Variants in ZNF599 observed in about 807,000 individuals in gnomAD.
The protein encoded by ZNF599 is zinc finger protein 599.
Under a neutral mutation model 11.7 loss-of-function variants are expected in ZNF599, and 10 were observed. The observed-to-expected ratio is 0.86, with a 90% confidence interval of 0.53 to 1.45. The LOEUF (loss-of-function observed/expected upper bound fraction) is 1.45, where lower values mean the gene tolerates loss of function less well. Among genes scored for constraint, ZNF599 ranks in the 40% most tolerant of loss-of-function variants. The probability of loss-of-function intolerance (pLI) is 0.00; values close to 1 mark genes in which losing one functional copy is unlikely to be tolerated. For synonymous variants in ZNF599, 232 were observed against 253.2 expected (o/e 0.92, Z 0.79); for missense variants, 688 against 713.6 (o/e 0.96, Z 0.41).
At chr19:34,781,658 G>A in the ZNF599 span, among the ~76,000 whole-genome samples, 3 of 152,216 alleles carry the variant, frequency 2.0e-5, no homozygotes, top group Admixed American at 2.0e-4. Flanking sequence ...AAGAATAGCA[G>A]GATGCAGTGC....
intron 3 of ZNF599, chr19:34,763,229 G>A (rs1021234859): frequency 1.3e-5 from 2 of 152,104 alleles, no homozygotes; most frequent in African/African-American, 4.8e-5. Context: ...TTTAAAGGAG[G>A]ATGAATAAAT....
chr19:34,774,203 G>C (rs1008211019), upstream of ZNF599, among the ~76,000 whole-genome samples: 1 of 152,150 alleles, frequency 6.6e-6, no homozygotes, highest in Non-Finnish European at 1.5e-5. Context: ...GGGAAGAGTG[G>C]AGTTGACATG....
the ZNF599 span, among the ~76,000 whole-genome samples, chr19:34,806,910 T>C: frequency 6.6e-6 from 1 of 152,106 alleles, no homozygotes; most frequent in Non-Finnish European, 1.5e-5. Flanking sequence ...TAGTAAACCT[T>C]TATTGCTGCA....
the ZNF599 span, among the ~76,000 whole-genome samples, chr19:34,804,418 C>T: frequency 6.6e-6 from 1 of 152,240 alleles, no homozygotes; most frequent in African/African-American, 2.4e-5. Flanking sequence ...CCACACCCAA[C>T]CAGGTGCCCA....
intron 3 of ZNF599, chr19:34,763,781 G>A (rs1306255038): frequency 6.6e-6 from 1 of 152,020 alleles, no homozygotes; most frequent in Non-Finnish European, 1.5e-5. Flanking sequence ...AGGAGAAAAA[G>A]CATACAAAAT....
intron 3 of ZNF599, among the ~76,000 whole-genome samples, chr19:34,761,633 T>C (rs10417707): frequency 0.28 from 42,577 of 152,078 alleles, 6,539 homozygotes; most frequent in Middle Eastern, 0.36. Flanking sequence ...GAAATGTATA[T>C]ATGTAACTTT....
Position 34,772,892 on chromosome 19 carries a change from T to C in ZNF599, c.-51A>G. 1 of 1,413,172 alleles carries C rather than the reference T, an allele frequency of 7.1e-7. No homozygotes were observed. Among genetic ancestry groups the C allele is most frequent in the Non-Finnish European group, 9.2e-7 (1 of 1,089,474 alleles). 87.5% of individuals were successfully genotyped at this position (1,413,172 alleles called of 1,614,324 possible). A position where few individuals can be genotyped will look rare whatever the true frequency, so the allele number is the denominator to read the frequency against. ...TGAGAGTCGGCGAGGAAGCCGGTCC[T>C]GCGGGCTCGGCCGACCCCGGGCTCC... On this transcript the variant is annotated 5_prime_UTR_variant, in exon 1 of 4. Coordinates refer to ENST00000329285, the MANE Select transcript of ZNF599 (RefSeq NM_001007248.3).
At chr19:34,790,310 G>A in the ZNF599 span, among the ~76,000 whole-genome samples, 1 of 152,154 alleles carries the variant, frequency 6.6e-6, no homozygotes, top group African/African-American at 2.4e-5. Context: ...TTATTCACAA[G>A]CATCAACCTA....
At chr19:34,776,873 G>C (rs150321109), upstream of ZNF599, among the ~76,000 whole-genome samples, 1 of 152,068 alleles carries the variant, frequency 6.6e-6, no homozygotes, top group Non-Finnish European at 1.5e-5. Flanking sequence ...ATTAAGGGGC[G>C]GTTTATGCAG....
Position 34,759,759 on chromosome 19 carries a change from A to G in ZNF599, c.1042T>C (p.Phe348Leu), listed in dbSNP as rs1189267840. The G allele has an allele frequency of 2.5e-6, 4 of 1,614,054 alleles. No homozygotes were observed. The African/African-American group carries it at 5.3e-5, about 22-fold the overall frequency. Residue 348 changes from phenylalanine to leucine, a missense_variant, in exon 4 of 4, where the codon TTC (phenylalanine) becomes CTC (leucine). By Grantham distance (22) the Phe-to-Leu change is conservative (BLOSUM62 0). Transcript: ENST00000329285. Reference protein sequence around the residue: ...LYECGECGKAFTHRSTFIQHN... With the variant: ...LYECGECGKALTHRSTFIQHN... Reference sequence around the variant, plus strand: ...TGGATAAATGTGGAGCGGTGCGTGAAGGCCTTTCCACATTCACCGCACTCA... The same window carrying G: ...TGGATAAATGTGGAGCGGTGCGTGAGGGCCTTTCCACATTCACCGCACTCA...
At chr19:34,795,995 A>G in the ZNF599 span, among the ~76,000 whole-genome samples, 3 of 151,810 alleles carry the variant, frequency 2.0e-5, no homozygotes, top group African/African-American at 7.3e-5. Context: ...CTAATTTTGT[A>G]TTTTTAGTAG....
intron 2 of ZNF599, among the ~76,000 whole-genome samples, chr19:34,768,705 C>T (rs2069161467): frequency 6.6e-6 from 1 of 152,198 alleles, no homozygotes. Context: ...GTTCCTGCTG[C>T]CTGCTTGAGG....
intron 3 of ZNF599, chr19:34,763,375 G>C (rs763078363): frequency 1.2e-4 from 19 of 152,180 alleles, no homozygotes; most frequent in Non-Finnish European, 2.2e-4. Context: ...GAAAGTCAGA[G>C]GGGGGCCAGG....
In ZNF599 at chr19:34,759,334, G is replaced by A; in HGVS notation, c.1467C>T (p.Tyr489=). The A allele has an allele frequency of 6.2e-7, 1 of 1,614,062 alleles. No homozygotes were observed. Among genetic ancestry groups the A allele is most frequent in the South Asian group, 1.1e-5 (1 of 91,080 alleles). The change falls in exon 4 of 4, where the codon TAC becomes TAT. Residue 489 remains tyrosine (Y), a synonymous_variant. Coordinates refer to ENST00000329285, the MANE Select transcript of ZNF599 (RefSeq NM_001007248.3). ...TGTGTCGAGTGAAGGAAGAGCTATA[G>A]TAAAAGGCTTTTGCACATTCTTTGC... ...LECKECAKAF[Y]YSSSFTRHMR...
upstream of ZNF599, chr19:34,773,352 T>G (rs185001377): frequency 1.2e-3 from 183 of 153,934 alleles, no homozygotes; most frequent in African/African-American, 4.3e-3. Flanking sequence ...GGAGCGCACT[T>G]TCTGTTCTCG....
the ZNF599 span, among the ~76,000 whole-genome samples, chr19:34,790,491 A>G: frequency 3.9e-5 from 6 of 152,234 alleles, no homozygotes; most frequent in Admixed American, 3.3e-4. Context: ...GGAGAATATT[A>G]CACCAATTGA....
At chr19:34,761,306 T>C (rs897686903) in intron 3 of ZNF599, among the ~76,000 whole-genome samples, 14 of 152,008 alleles carry the variant, frequency 9.2e-5, no homozygotes, top group East Asian at 1.9e-4. Flanking sequence ...ATGAAGAAAA[T>C]TGTAAAACTT....
At chr19:34,795,884 C>T in the ZNF599 span, among the ~76,000 whole-genome samples, 1 of 152,118 alleles carries the variant, frequency 6.6e-6, no homozygotes, top group African/African-American at 2.4e-5. Context: ...TGCAATGGCA[C>T]AATCTCAGCT....
chr19:34,779,621 T>C, the ZNF599 span: 7 of 361,868 alleles, frequency 1.9e-5, no homozygotes, highest in Non-Finnish European at 3.8e-5. Flanking sequence ...TCACATCTCT[T>C]AGGAGATGCA....
Sources: gnomAD v4.1 joint callset for allele counts (sites outside exome capture counted in the v4.1 genomes callset) on GRCh38, gnomAD v4.1.1 for gene constraint, MANE v1.5 for transcripts, NCBI Gene and HGNC (gene_info 2026-07-23, HGNC 2026-07-21) for gene names.